Variants in PRMT5 observed in about 807,000 individuals in gnomAD.
The protein encoded by PRMT5 is protein arginine N-methyltransferase 5.
PRMT5 carries 15 observed loss-of-function variants against 84.0 expected under a neutral mutation model. The ratio of observed to expected loss-of-function variants is 0.18; its 90% CI spans 0.12 to 0.28. PRMT5 has a LOEUF of 0.28. Among genes scored for constraint, PRMT5 ranks in the 10% least tolerant of loss-of-function variants. The pLI is 1.00. For missense variants in PRMT5, 486 were observed against 808.0 expected, an observed-to-expected ratio of 0.60 and a Z score of 4.83; for synonymous variants, 276 against 292.4, an observed-to-expected ratio of 0.94 and a Z score of 0.57.
chr14:22,926,379 C>T (rs964769268), intron 6 of PRMT5, 83 bp from the exon 7 acceptor site: 83 of 1,593,422 alleles, frequency 5.2e-5, no homozygotes, highest in Admixed American at 1.5e-4. Flanking sequence ...CTGTTTACTT[C>T]TTTAAGAGAA....
At chr14:22,925,102 A>G in intron 7 of PRMT5, 62 bp from the exon 8 acceptor site, 2 of 1,558,342 alleles carry the variant, frequency 1.3e-6, no homozygotes, top group African/African-American at 1.4e-5. Flanking sequence ...ATATTATGGT[A>G]TATGGCCAAA....
In PRMT5 at chr14:22,923,297, G is replaced by T. The variant is rs990030974; in HGVS notation, c.1376-137C>A. The T allele has an allele frequency of 6.6e-6, 4 of 607,844 alleles. No individual in the cohort carries two copies. Among genetic ancestry groups the T allele is most frequent in the African/African-American group, 1.9e-5 (1 of 53,702 alleles). 37.7% of individuals were successfully genotyped at this position (607,844 alleles called of 1,614,324 possible). ...ATGGGCATGGAAGAAAGAGACAAAT[G>T]CATGTTGTCACATTACTAAGCCAGC... is the stretch of plus-strand genomic sequence containing the variant. On this transcript the variant is annotated intron_variant, in intron 12 of 16. Transcript: ENST00000324366. This position sits in a 1 kb window ranked among gnomAD's most constrained non-coding sequence, Gnocchi z 5.2.
chr14:22,928,458 TG>T lies in PRMT5; in HGVS notation c.229+38del. Reference sequence around the variant, plus strand: ...GCCCCGATAAAGCAGAAGTTGTTATTGCCTCTAATAATTAAGGGGCATATGG... The same window carrying T: ...GCCCCGATAAAGCAGAAGTTGTTATTCCTCTAATAATTAAGGGGCATATGG... On this transcript the variant is annotated intron_variant, in intron 2 of 16. Coordinates refer to ENST00000324366, the MANE Select transcript of PRMT5 (RefSeq NM_006109.5). The surrounding 1 kb of genome is among the most constrained non-coding windows in gnomAD (Gnocchi z 4.8). The T allele has an allele frequency of 1.3e-6, 2 of 1,503,900 alleles. No individual in the cohort carries two copies. The highest frequency in any genetic ancestry group is 1.9e-6 in the Non-Finnish European group (2 of 1,080,220). The allele number at this position is 1,503,900 out of a possible 1,614,324, so 93.2% of individuals were successfully genotyped here.
intron 4 of PRMT5, 153 bp from the exon 5 acceptor site, chr14:22,926,967 T>G: frequency 6.5e-6 from 4 of 612,196 alleles, no homozygotes; most frequent in South Asian, 2.0e-5. Flanking sequence ...GTACCTTATA[T>G]ATAGATCCTT....
intron 4 of PRMT5, 133 bp from the exon 5 acceptor site, chr14:22,926,947 A>C (rs1365692981): frequency 3.1e-6 from 2 of 654,266 alleles, no homozygotes; most frequent in Non-Finnish European, 5.5e-6. Flanking sequence ...GTAATTTTGT[A>C]AGTGAACATG....
Position 22,923,765 on chromosome 14 carries a change from A to C in PRMT5, c.1375+243T>G, listed in dbSNP as rs1002117219. Among the ~76,000 whole-genome samples the C allele has an allele frequency of 1.3e-5, 2 of 152,048 alleles. No homozygotes were observed. The highest frequency in any genetic ancestry group is 1.3e-4 in the Admixed American group (2 of 15,242). On this transcript the variant is annotated intron_variant, in intron 12 of 16. Transcript: ENST00000324366. The surrounding 1 kb of genome is among the most constrained non-coding windows in gnomAD (Gnocchi z 5.2). ...CTGACCTCCCGCCTTGGCCTCCCAA[A>C]GTGCTGCAATTACAGGCATGAGCCA...
Position 22,924,616 on chromosome 14 carries a change from G to A in PRMT5, c.1017+16C>T, listed in dbSNP as rs1263985658. 2 of 1,613,546 alleles carry A rather than the reference G, an allele frequency of 1.2e-6. No individual in the cohort carries two copies. The highest frequency in any genetic ancestry group is 1.7e-6 in the Non-Finnish European group (2 of 1,179,582). ...GCTGGCCCTGTGCTTTCCTCACCCT[G>A]GGCACCACACAGTACCTGCTGGTAC... On this transcript the variant is annotated intron_variant, in intron 9 of 16. Coordinates refer to ENST00000324366, the MANE Select transcript of PRMT5 (RefSeq NM_006109.5). The surrounding 1 kb of genome is among the most constrained non-coding windows in gnomAD (Gnocchi z 6.5).
At chr14:22,929,013 G>T in intron 1 of PRMT5, 1 of 925,068 alleles carries the variant, frequency 1.1e-6, no homozygotes, top group Non-Finnish European at 1.6e-6. Flanking sequence ...CGACCTCCAG[G>T]GCCCTTTAGA....
intron 16 of PRMT5, 24 bp from the exon 17 acceptor site, chr14:22,921,080 T>G: frequency 6.2e-7 from 1 of 1,613,304 alleles, no homozygotes; most frequent in Non-Finnish European, 8.5e-7. Flanking sequence ...GACAGGAAGG[T>G]TCAGGGTGAA....
chr14:22,924,441 G>T lies in PRMT5; in HGVS notation c.1076+38C>A, dbSNP rs998796453. 6.2e-7 allele frequency: 1 copy of T among 1,613,612 alleles called. No individual in the cohort carries two copies. Among genetic ancestry groups the T allele is most frequent in the Non-Finnish European group, 8.5e-7 (1 of 1,179,594 alleles). The stretch of plus-strand genomic sequence containing the variant: ...AGCAGACTTGGCATATACAGATATA[G>T]GTATGCAAGTCCCTGAGATTGAGGG... On this transcript the variant is annotated intron_variant, in intron 10 of 16. Coordinates refer to ENST00000324366, the MANE Select transcript of PRMT5 (RefSeq NM_006109.5). The surrounding 1 kb of genome is among the most constrained non-coding windows in gnomAD (Gnocchi z 6.5).
In PRMT5 at chr14:22,923,729, G is replaced by T. The variant is rs1463331823; in HGVS notation, c.1375+279C>A. 6.6e-6 allele frequency among the ~76,000 whole-genome samples: 1 copy of T among 152,038 alleles called. No homozygotes were observed. Among genetic ancestry groups the T allele is most frequent in the Non-Finnish European group, 1.5e-5 (1 of 68,000 alleles). ...GGGTTTCGCCATGTTGCCCAGGCTGGTCTCAAACTCCTGACCTCCCGCCTT... is the reference window on the plus strand; with the variant it reads ...GGGTTTCGCCATGTTGCCCAGGCTGTTCTCAAACTCCTGACCTCCCGCCTT... On this transcript the variant is annotated intron_variant, in intron 12 of 16. Coordinates refer to ENST00000324366, the MANE Select transcript of PRMT5 (RefSeq NM_006109.5). This position sits in a 1 kb window ranked among gnomAD's most constrained non-coding sequence, Gnocchi z 5.2.
In PRMT5 at chr14:22,929,343, CG is replaced by C; in HGVS notation, c.18del (p.Gly8ValfsTer13). Reference sequence around the variant, plus strand: ...GACACGCGGCTCCCACCAGCACCCCCGACCGCCATCGCCGCCATCTTTCTCC... The same window carrying C: ...GACACGCGGCTCCCACCAGCACCCCCACCGCCATCGCCGCCATCTTTCTCC... MAAMA[V>X]GGAGGSRVSS... On this transcript the variant is annotated frameshift_variant, in exon 1 of 17. Transcript: ENST00000324366. LOFTEE classifies it high-confidence loss of function. 2 of 1,609,682 alleles carry C rather than the reference CG, an allele frequency of 1.2e-6. No homozygotes were observed. The highest frequency in any genetic ancestry group is 1.7e-6 in the Non-Finnish European group (2 of 1,178,886).
Position 22,924,244 on chromosome 14 carries a change from T to TTA in PRMT5, c.1199+25_1199+26insTA. The TTA allele has an allele frequency of 6.2e-7, 1 of 1,613,326 alleles. No individual in the cohort carries two copies. Among genetic ancestry groups the TTA allele is most frequent in the Non-Finnish European group, 8.5e-7 (1 of 1,179,388 alleles). Reference sequence around the variant, plus strand: ...AGGAAATTTGGCAATGAGGACTAACTTCCCAGCAAGCAGGTTGCTACTCAC... The same window carrying TTA: ...AGGAAATTTGGCAATGAGGACTAACTTATCCCAGCAAGCAGGTTGCTACTCAC... On this transcript the variant is annotated intron_variant, in intron 11 of 16. Coordinates refer to ENST00000324366, the MANE Select transcript of PRMT5 (RefSeq NM_006109.5). This position sits in a 1 kb window ranked among gnomAD's most constrained non-coding sequence, Gnocchi z 6.5.
Position 22,923,218 on chromosome 14 carries a change from A to G in PRMT5, c.1376-58T>C. On this transcript the variant is annotated intron_variant, in intron 12 of 16. Coordinates refer to ENST00000324366, the MANE Select transcript of PRMT5 (RefSeq NM_006109.5). This position sits in a 1 kb window ranked among gnomAD's most constrained non-coding sequence, Gnocchi z 5.2. ...GGGAGGGAAATGGTATGTCTGTACT[A>G]ACTGAAGGATCAGAAGGATCAAACC... 7.6e-7 allele frequency: 1 copy of G among 1,319,896 alleles called. No individual in the cohort carries two copies. Among genetic ancestry groups the G allele is most frequent in the Non-Finnish European group, 1.1e-6 (1 of 950,076 alleles). The allele number at this position is 1,319,896 out of a possible 1,614,324, so 81.8% of individuals were successfully genotyped here.
Position 22,924,538 on chromosome 14 carries a change from C to T in PRMT5, c.1018-1G>A. 6.2e-7 allele frequency: 1 copy of T among 1,614,006 alleles called. No individual in the cohort carries two copies. The highest frequency in any genetic ancestry group is 8.5e-7 in the Non-Finnish European group (1 of 1,179,920). ...GGTCTAGCAGACATTTATAGATGGC[C>T]TGGAGGGAGGAGAGAATATCCCATG... On this transcript the variant is annotated splice_acceptor_variant, in intron 9 of 16. Coordinates refer to ENST00000324366, the MANE Select transcript of PRMT5 (RefSeq NM_006109.5). LOFTEE classifies it high-confidence loss of function. This position sits in a 1 kb window ranked among gnomAD's most constrained non-coding sequence, Gnocchi z 6.5.
rs1039481310 is a variant in PRMT5 at position 22,929,104 on chromosome 14, C to T, written c.110+148G>A. On this transcript the variant is annotated intron_variant, in intron 1 of 16. Transcript: ENST00000324366. The stretch of plus-strand genomic sequence containing the variant: ...GTTATTTTCCTCACGTTACTGGGTC[C>T]GAGGCTCCTCCCCTCCAAAGAGTAA... 6 of 1,595,722 alleles carry T rather than the reference C, an allele frequency of 3.8e-6. No individual in the cohort carries two copies. In the African/African-American group the frequency reaches 6.7e-5, roughly 18 times the overall value.
chr14:22,927,393 C>T, intron 4 of PRMT5, 133 bp downstream of exon 4: 1 of 1,261,502 alleles, frequency 7.9e-7, no homozygotes. Context: ...ACAGGCATCA[C>T]CCACTGTGCC....
In PRMT5 at chr14:22,926,803, C is replaced by T; in HGVS notation, c.462G>A (p.Arg154=). ...TGHHSSMFWM[R]VPLVAPEDLR... ...GGTCCTCTGGTGCCACCAAGGGTAC[C>T]CGCATCCAGAACTGCACATGAACAG... The change falls in exon 5 of 17, where the codon CGG becomes CGA. Residue 154 remains arginine (R), a synonymous_variant. Coordinates refer to ENST00000324366, the MANE Select transcript of PRMT5 (RefSeq NM_006109.5). 6.2e-7 allele frequency: 1 copy of T among 1,613,230 alleles called. No homozygotes were observed. Among genetic ancestry groups the T allele is most frequent in the South Asian group, 1.1e-5 (1 of 91,052 alleles).
At chr14:22,922,968 G>T in intron 13 of PRMT5, 83 bp downstream of exon 13, 1 of 1,418,718 alleles carries the variant, frequency 7.0e-7, no homozygotes, top group Non-Finnish European at 9.8e-7. Context: ...TTCATCCCCA[G>T]CAGAAGAAAA....
Sources: gnomAD v4.1 joint callset for allele counts (sites outside exome capture counted in the v4.1 genomes callset) on GRCh38, gnomAD v4.1.1 for gene constraint, Gnocchi (gnomAD v3.1) non-coding constraint, MANE v1.5 for transcripts, NCBI Gene and HGNC (gene_info 2026-07-23, HGNC 2026-07-21) for gene names.